The following MAP6 variants were observed in gnomAD, a reference collection of about 807,000 sequenced individuals.
MAP6 encodes the protein microtubule associated protein 6.
MAP6 carries 26 observed loss-of-function variants against 42.4 expected under a neutral mutation model. The ratio of observed to expected loss-of-function variants is 0.61; its 90% CI spans 0.45 to 0.85. The LOEUF is 0.85. Among genes scored for constraint, MAP6 ranks in the 40% least tolerant of loss-of-function variants. The probability of loss-of-function intolerance (pLI) is 0.00; values close to 1 mark genes in which losing one functional copy is unlikely to be tolerated. For synonymous variants in MAP6, 418 were observed against 443.8 expected (o/e 0.94, Z 0.73); for missense variants, 966 against 1,099.0 (o/e 0.88, Z 1.71).
rs531309937 is a variant in MAP6 at position 75,614,892 on chromosome 11, A to G, written c.906-6570T>C. Among the ~76,000 whole-genome samples, 10 of 152,378 alleles carry G rather than the reference A, an allele frequency of 6.6e-5. 1 individual carries two copies. In the South Asian group the frequency reaches 2.1e-3, roughly 32 times the overall value. Reference sequence around the variant, plus strand: ...GGTGTAAGCAGAGCACAGAAGTTCAAGTTTCCAGCAGAGCTGCAGCATGAC... The same window carrying G: ...GGTGTAAGCAGAGCACAGAAGTTCAGGTTTCCAGCAGAGCTGCAGCATGAC... On this transcript the variant is annotated intron_variant, in intron 1 of 3. Transcript: ENST00000304771.
At position 75,667,967 on chromosome 11, in the gene MAP6, G is replaced by T. The variant is rs1943990458; in HGVS notation, c.403C>A (p.Pro135Thr). 1.1e-5 allele frequency: 14 copies of T among 1,325,042 alleles called. No individual in the cohort carries two copies. Among genetic ancestry groups the T allele is most frequent in the East Asian group, 3.1e-5 (1 of 32,152 alleles). 82.1% of individuals were successfully genotyped at this position (1,325,042 alleles called of 1,614,324 possible). A position where few individuals can be genotyped will look rare whatever the true frequency, so the allele number is the denominator to read the frequency against. The change falls in exon 1 of 4, where the codon CCC becomes ACC. Residue 135 changes from proline to threonine, a missense_variant. By Grantham distance (38) the Pro-to-Thr change is conservative (BLOSUM62 -1). This residue lies in a region of MAP6 where 943 missense variants were observed against 1,049.9 expected (regional missense o/e 0.90). Coordinates refer to ENST00000304771, the MANE Select transcript of MAP6 (RefSeq NM_033063.2). The surrounding 1 kb of genome is among the most constrained non-coding windows in gnomAD (Gnocchi z 5.6). ...YRAWKVQRPE[P>T]SCRPRSEYQP... is the part of the protein sequence containing the mutation. ...TATTCGCTGCGCGGCCGGCAGCTGG[G>T]CTCGGGCCGCTGCACCTTCCAGGCT...
chr11:75,638,235 A>C (rs148749472), intron 1 of MAP6, among the ~76,000 whole-genome samples: 1 of 152,308 alleles, frequency 6.6e-6, no homozygotes, highest in African/African-American at 2.4e-5. Flanking sequence ...TGTCCTACTC[A>C]AGATAATATA....
In MAP6 at chr11:75,587,194, CT is replaced by C. The variant is rs1565249656; in HGVS notation, c.2306del (p.Lys769ArgfsTer11). The C allele has an allele frequency of 6.2e-7, 1 of 1,614,128 alleles. No individual in the cohort carries two copies. Among genetic ancestry groups the C allele is most frequent in the East Asian group, 2.2e-5 (1 of 44,886 alleles). On this transcript the variant is annotated frameshift_variant, in exon 4 of 4. Coordinates refer to ENST00000304771, the MANE Select transcript of MAP6 (RefSeq NM_033063.2). LOFTEE classifies it high-confidence loss of function. ...DQDPLVPVPAKDQGPAVPEPL... is the reference protein window; with the variant it reads ...DQDPLVPVPAXDQGPAVPEPL... ...GTTCAGGGACTGCAGGACCTTGGTCCTTTGCTGGTACTGGCACCAGAGGATC... is the reference window on the plus strand; with the variant it reads ...GTTCAGGGACTGCAGGACCTTGGTCCTTGCTGGTACTGGCACCAGAGGATC...
chr11:75,640,936 G>A (rs1943457827), intron 1 of MAP6, among the ~76,000 whole-genome samples: 1 of 152,102 alleles, frequency 6.6e-6, no homozygotes, highest in Non-Finnish European at 1.5e-5. Flanking sequence ...CGATTCCTCA[G>A]GGATCTAGAA....
intron 1 of MAP6, among the ~76,000 whole-genome samples, chr11:75,655,098 A>C (rs1395108046): frequency 6.6e-6 from 1 of 152,192 alleles, no homozygotes; most frequent in African/African-American, 2.4e-5. Flanking sequence ...TCCTGCAAAC[A>C]GGGGTCATGT....
rs372085175 is a variant in MAP6, at chr11:75,656,951, C to T, written c.905+10514G>A. 5.9e-5 allele frequency among the ~76,000 whole-genome samples: 9 copies of T among 152,278 alleles called. No homozygotes were observed. In the East Asian group the frequency reaches 1.5e-3, roughly 26 times the overall value. ...GTGCTCCTTCTCAGCCAATTACCCA[C>T]CTAAATCCCAGAGATTACCATTATT... On this transcript the variant is annotated intron_variant, in intron 1 of 3. Coordinates refer to ENST00000304771, the MANE Select transcript of MAP6 (RefSeq NM_033063.2).
At chr11:75,662,280 TA>T (rs1273117569) in intron 1 of MAP6, among the ~76,000 whole-genome samples, 1 of 152,150 alleles carries the variant, frequency 6.6e-6, no homozygotes, top group African/African-American at 2.4e-5. Flanking sequence ...TTCATAAAGA[TA>T]AAATCTAGTT....
intron 3 of MAP6, chr11:75,604,006 G>C: frequency 1.0e-6 from 1 of 985,688 alleles, no homozygotes; most frequent in African/African-American, 1.7e-5. Flanking sequence ...CAAAGAGTTG[G>C]AATCAGTGCC....
chr11:75,655,347 A>T (rs1057271463), intron 1 of MAP6, among the ~76,000 whole-genome samples: 1 of 152,184 alleles, frequency 6.6e-6, no homozygotes, highest in Non-Finnish European at 1.5e-5. Context: ...AGGGGGGAAA[A>T]CTGTGAGCAA....
At chr11:75,643,410 C>G (rs7112425) in intron 1 of MAP6, among the ~76,000 whole-genome samples, 2,612 of 152,150 alleles carry the variant, frequency 0.017, 78 homozygotes, top group African/African-American at 0.06. Flanking sequence ...AATGAAGGCT[C>G]CTTGACAGCA....
At chr11:75,605,758 G>C (rs935616522) in intron 3 of MAP6, 50 bp downstream of exon 3, 2 of 1,580,764 alleles carry the variant, frequency 1.3e-6, no homozygotes, top group Non-Finnish European at 1.7e-6. Context: ...AAAAAAGTTG[G>C]GGGGAGGGAG....
intron 3 of MAP6, chr11:75,605,432 A>G (rs1272897284): frequency 2.0e-6 from 2 of 1,009,012 alleles, no homozygotes; most frequent in East Asian, 2.0e-4. Flanking sequence ...GACCAGTGAC[A>G]CAGATCTTGG....
At chr11:75,606,100 G>C in intron 2 of MAP6, 96 bp from the exon 3 acceptor site, 1 of 1,439,430 alleles carries the variant, frequency 6.9e-7, no homozygotes, top group Non-Finnish European at 9.4e-7. Context: ...AAGGAATGAC[G>C]GTAATGACAG....
intron 3 of MAP6, among the ~76,000 whole-genome samples, chr11:75,599,198 C>T (rs1942628826): frequency 6.6e-6 from 1 of 152,100 alleles, no homozygotes; most frequent in Non-Finnish European, 1.5e-5. Context: ...CTCTTGGCCC[C>T]AGATAAGAGT....
intron 1 of MAP6, among the ~76,000 whole-genome samples, chr11:75,634,443 AT>A (rs1194727914): frequency 8.5e-5 from 13 of 152,106 alleles, no homozygotes; most frequent in Admixed American, 8.5e-4. Context: ...CATCCAGCTA[AT>A]TTTTATATTT....
At chr11:75,638,894 A>T (rs1943415422) in intron 1 of MAP6, among the ~76,000 whole-genome samples, 1 of 152,250 alleles carries the variant, frequency 6.6e-6, no homozygotes, top group African/African-American at 2.4e-5. Flanking sequence ...AAGATATAGA[A>T]TCAATCTGTG....
chr11:75,628,133 T>C (rs763354256), intron 1 of MAP6, among the ~76,000 whole-genome samples: 4 of 152,062 alleles, frequency 2.6e-5, no homozygotes, highest in Non-Finnish European at 5.9e-5. Flanking sequence ...GAGAAATGGT[T>C]GTGTTGGGGG....
At chr11:75,636,269 G>A (rs1943367406) in intron 1 of MAP6, 1 of 152,258 alleles carries the variant, frequency 6.6e-6, no homozygotes, top group Admixed American at 6.5e-5. Flanking sequence ...AATGAGTGAT[G>A]AGAGCTGGGC....
chr11:75,642,835 C>A, intron 1 of MAP6: 2 of 470,268 alleles, frequency 4.3e-6, no homozygotes, highest in East Asian at 5.6e-5. Context: ...GGCATGGATT[C>A]TATAAAGGAA....
Sources: allele counts gnomAD v4.1 joint callset (sites outside exome capture counted in the v4.1 genomes callset), GRCh38; gene constraint gnomAD v4.1.1; regional missense constraint gnomAD v4.1.1; non-coding constraint Gnocchi (gnomAD v3.1); transcripts MANE v1.5; gene names NCBI Gene and HGNC (gene_info 2026-07-23, HGNC 2026-07-21).